GFI1B: variants seen among roughly 807,000 people sequenced by gnomAD.
GFI1B encodes the protein zinc finger protein Gfi-1b.
In GFI1B, 20 loss-of-function variants were observed where a neutral mutation model predicts 35.3. The ratio of observed to expected loss-of-function variants is 0.57; its 90% CI spans 0.40 to 0.82. The LOEUF (loss-of-function observed/expected upper bound fraction) is 0.82, where lower values mean the gene tolerates loss of function less well. GFI1B is among the 40% of genes least tolerant of loss of function. The pLI is 0.00. For missense variants in GFI1B, 430 were observed against 446.3 expected (o/e 0.96, Z 0.33); for synonymous variants, 178 against 177.6 (o/e 1.00, Z -0.02).
intron 1 of GFI1B, among the ~76,000 whole-genome samples, chr9:132,968,575 C>CT (rs1221343106): frequency 1.3e-5 from 2 of 152,080 alleles, no homozygotes; most frequent in African/African-American, 4.8e-5. Flanking sequence ...GATTAATTCG[C>CT]TTTTTTGTTT....
chr9:132,986,715 C>T lies in GFI1B; in HGVS notation c.37C>T (p.His13Tyr), dbSNP rs1009956222. Residue 13 changes from histidine to tyrosine, a missense_variant, in exon 2 of 7, where the codon CAC becomes TAC. His to Tyr is a moderately conservative substitution (Grantham distance 83). Coordinates refer to ENST00000372122, the MANE Select transcript of GFI1B (RefSeq NM_001377304.1). Reference sequence around the variant, plus strand: ...CTTCCTGGTGAAGAGCAAGAAGGCTCACACCTACCACCAGCCCCGTGTGCA... The same window carrying T: ...CTTCCTGGTGAAGAGCAAGAAGGCTTACACCTACCACCAGCCCCGTGTGCA... ...RSFLVKSKKA[H>Y]TYHQPRVQED... 2 of 1,612,782 alleles carry T rather than the reference C, an allele frequency of 1.2e-6. No individual in the cohort carries two copies. The highest frequency in any genetic ancestry group is 1.7e-5 in the Admixed American group (1 of 59,912).
chr9:132,968,210 G>T (rs909226397), intron 1 of GFI1B, among the ~76,000 whole-genome samples: 1 of 151,888 alleles, frequency 6.6e-6, no homozygotes, highest in Non-Finnish European at 1.5e-5. Context: ...TATCTCCCAG[G>T]ATCAAGTGAT....
chr9:132,990,769 G>A, intron 6 of GFI1B, 103 bp from the exon 7 acceptor site: 1 of 953,124 alleles, frequency 1.0e-6, no homozygotes, highest in Non-Finnish European at 1.7e-6. Context: ...AGAAAACACA[G>A]GAAGGTATTG....
At position 132,991,457 on chromosome 9, in the gene GFI1B, C is replaced by T. The variant is rs1439930072; in HGVS notation, c.*407C>T. ...CTGGTCACCTTGGATTTTAGCCGGC[C>T]TCTTTCTGGCTATAACAGGCAGAGT... is the stretch of plus-strand genomic sequence containing the variant. On this transcript the variant is annotated 3_prime_UTR_variant, in exon 7 of 7. Transcript: ENST00000372122. 9.0e-6 allele frequency: 2 copies of T among 223,284 alleles called. No homozygotes were observed. Among genetic ancestry groups the T allele is most frequent in the Non-Finnish European group, 1.8e-5 (2 of 109,282 alleles). 13.8% of individuals were successfully genotyped at this position (223,284 alleles called of 1,614,324 possible). A position where few individuals can be genotyped will look rare whatever the true frequency, so the allele number is the denominator to read the frequency against.
At chr9:132,975,075 C>G (rs1048104363), upstream of GFI1B, 29 of 152,198 alleles carry the variant, frequency 1.9e-4, no homozygotes, top group Admixed American at 1.9e-3. Context: ...GCCTGGGCTA[C>G]AGAGCAAGAC....
At chr9:132,985,072 G>T (rs540752473) in intron 1 of GFI1B, among the ~76,000 whole-genome samples, 23 of 152,062 alleles carry the variant, frequency 1.5e-4, no homozygotes, top group South Asian at 1.0e-3. Context: ...CCCAAGGGGT[G>T]GGGGGGTGGG....
rs631754 is a variant in GFI1B, at chr9:132,987,600, T to C, written c.238+181T>C. On this transcript the variant is annotated intron_variant, in intron 3 of 6. Coordinates refer to ENST00000372122, the MANE Select transcript of GFI1B (RefSeq NM_001377304.1). The stretch of plus-strand genomic sequence containing the variant: ...CTCAGACAGGGAGCTAATTCCCGGA[T>C]GTGGGCTAGGTGGGAGAAGAGGCCA... Among the ~76,000 whole-genome samples, 19,587 of 151,954 alleles carry C rather than the reference T, an allele frequency of 0.13. 1,375 individuals are homozygous for C. The highest frequency in any genetic ancestry group is 0.21 in the South Asian group (1,025 of 4,812).
At chr9:132,977,894 C>T (rs537835203), upstream of GFI1B, among the ~76,000 whole-genome samples, 35 of 152,316 alleles carry the variant, frequency 2.3e-4, no homozygotes, top group African/African-American at 8.2e-4. Context: ...GCAGGCCGAG[C>T]GTCTCCTGGC....
chr9:132,948,207 A>AG (rs397826999), intron 1 of GFI1B, among the ~76,000 whole-genome samples: 1 of 151,156 alleles, frequency 6.6e-6, no homozygotes, highest in Non-Finnish European at 1.5e-5. Flanking sequence ...AAAAAAAAAA[A>AG]GCAATTTTTC....
At chr9:132,951,331 C>G (rs1056452825) in intron 1 of GFI1B, 1 of 152,196 alleles carries the variant, frequency 6.6e-6, no homozygotes, top group African/African-American at 2.4e-5. Context: ...GTGAGCCACT[C>G]CCAGCCCGTG....
At chr9:132,977,190 C>T (rs1191696540), upstream of GFI1B, among the ~76,000 whole-genome samples, 1 of 152,196 alleles carries the variant, frequency 6.6e-6, no homozygotes, top group African/African-American at 2.4e-5. Flanking sequence ...CTCCCGATCT[C>T]AAGTGATCCT....
At chr9:132,987,178 G>T in intron 2 of GFI1B, 104 bp from the exon 3 acceptor site, 1 of 1,264,550 alleles carries the variant, frequency 7.9e-7, no homozygotes, top group Non-Finnish European at 1.1e-6. Context: ...GCACGTGGCT[G>T]TCTCTCTGGG....
upstream of GFI1B, among the ~76,000 whole-genome samples, chr9:132,975,787 T>C (rs751331450): frequency 9.2e-5 from 14 of 152,168 alleles, no homozygotes; most frequent in Non-Finnish European, 1.5e-4. Flanking sequence ...CGGAAGCGAT[T>C]TAGCTCTTGG....
At chr9:132,987,541 T>G in intron 3 of GFI1B, 122 bp downstream of exon 3, 1 of 1,121,088 alleles carries the variant, frequency 8.9e-7, no homozygotes, top group Non-Finnish European at 1.3e-6. Flanking sequence ...AGTCACTGGA[T>G]GCAGCCCGGG....
chr9:132,988,701 G>T (rs1213932461), intron 4 of GFI1B, among the ~76,000 whole-genome samples: 2 of 152,208 alleles, frequency 1.3e-5, no homozygotes, highest in East Asian at 3.9e-4. Flanking sequence ...AAGGTTCAGA[G>T]AGGTTAAGTC....
At chr9:132,962,718 C>T in intron 1 of GFI1B, 1 of 417,974 alleles carries the variant, frequency 2.4e-6, no homozygotes, top group South Asian at 1.9e-5. Context: ...AGGTCACCAT[C>T]ATCACCATAT....
At chr9:132,947,835 A>C (rs1454401498) in intron 1 of GFI1B, among the ~76,000 whole-genome samples, 1 of 151,674 alleles carries the variant, frequency 6.6e-6, no homozygotes, top group Non-Finnish European at 1.5e-5. Context: ...AAAAAACTAA[A>C]CTAAAGTGAC....
At chr9:132,962,621 A>G in intron 1 of GFI1B, 1 of 502,794 alleles carries the variant, frequency 2.0e-6, no homozygotes, top group East Asian at 5.5e-5. Context: ...CAAATTAGGT[A>G]CAACTCCAAA....
intron 1 of GFI1B, among the ~76,000 whole-genome samples, chr9:132,971,102 C>T (rs1366036424): frequency 1.3e-5 from 2 of 152,324 alleles, no homozygotes; most frequent in East Asian, 3.9e-4. Flanking sequence ...TGGGCTCAAG[C>T]AATCCTCCCA....
Sources: allele counts gnomAD v4.1 joint callset (sites outside exome capture counted in the v4.1 genomes callset), GRCh38; gene constraint gnomAD v4.1.1; transcripts MANE v1.5; gene names NCBI Gene and HGNC (gene_info 2026-07-23, HGNC 2026-07-21).